The following TPTE variants were observed in gnomAD, a reference collection of about 807,000 sequenced individuals.
TPTE encodes the protein putative tyrosine-protein phosphatase TPTE.
Under a neutral mutation model 84.1 loss-of-function variants are expected in TPTE, and 59 were observed. That is an observed-to-expected ratio of 0.70 (90% CI 0.57 to 0.87). The LOEUF (loss-of-function observed/expected upper bound fraction) is 0.87, where lower values mean the gene tolerates loss of function less well. Among genes scored for constraint, TPTE ranks in the 40% least tolerant of loss-of-function variants. TPTE has a pLI of 0.00. For synonymous variants in TPTE, 130 were observed against 223.5 expected (o/e 0.58, Z 3.73); for missense variants, 382 against 659.6 (o/e 0.58, Z 4.61).
At chr21:10,528,669 C>T (rs1405872409) in intron 3 of TPTE, among the ~76,000 whole-genome samples, 4 of 152,190 alleles carry the variant, frequency 2.6e-5, no homozygotes, top group African/African-American at 7.2e-5. Flanking sequence ...CAGAAAGTTA[C>T]TTCTTATCGT....
At chr21:10,603,446 T>G in intron 22 of TPTE, 116 bp from the exon 23 acceptor site, 3 of 1,110,056 alleles carry the variant, frequency 2.7e-6, no homozygotes, top group Non-Finnish European at 2.6e-6. Context: ...TGCCACATAT[T>G]TAATGGTTAT....
intron 7 of TPTE, among the ~76,000 whole-genome samples, chr21:10,547,693 C>A (rs1378724459): frequency 1.3e-5 from 2 of 152,304 alleles, no homozygotes; most frequent in African/African-American, 4.8e-5. Flanking sequence ...CTGTGCCTCT[C>A]CAGCACTGGA....
chr21:10,556,744 T>G (rs1462506169), intron 8 of TPTE, among the ~76,000 whole-genome samples: 1 of 152,306 alleles, frequency 6.6e-6, no homozygotes, highest in Non-Finnish European at 1.5e-5. Context: ...CTAACTGGTG[T>G]GAGATGGTAT....
chr21:10,545,607 A>T (rs1194137831), intron 7 of TPTE, among the ~76,000 whole-genome samples: 5 of 152,380 alleles, frequency 3.3e-5, no homozygotes, highest in African/African-American at 1.2e-4. Flanking sequence ...TGACATTATT[A>T]ATTTGGGTCA....
intron 21 of TPTE, among the ~76,000 whole-genome samples, chr21:10,599,924 C>A (rs1246695917): frequency 6.6e-6 from 1 of 152,246 alleles, no homozygotes. Context: ...GTGGCATGAT[C>A]ATGGCTCACT....
At chr21:10,555,229 G>C (rs1007177291) in intron 8 of TPTE, among the ~76,000 whole-genome samples, 1 of 151,628 alleles carries the variant, frequency 6.6e-6, no homozygotes, top group African/African-American at 2.4e-5. Flanking sequence ...TTTTTTTTGA[G>C]CCGGAGTCTC....
At chr21:10,559,842 G>A (rs1195707515) in intron 9 of TPTE, among the ~76,000 whole-genome samples, 10 of 143,432 alleles carry the variant, frequency 7.0e-5, no homozygotes, top group Admixed American at 2.1e-4. Context: ...CCATTGCACC[G>A]CAGCCTTGGC....
intron 14 of TPTE, among the ~76,000 whole-genome samples, chr21:10,573,262 A>T (rs1424983968): frequency 1.3e-5 from 2 of 152,300 alleles, no homozygotes; most frequent in African/African-American, 2.4e-5. Flanking sequence ...GTCATTTTAT[A>T]ATAATAAAGA....
intron 14 of TPTE, among the ~76,000 whole-genome samples, chr21:10,570,958 A>G (rs2075030559): frequency 6.6e-6 from 1 of 152,258 alleles, no homozygotes; most frequent in African/African-American, 2.4e-5. Context: ...TGCACCCCCC[A>G]AGGCCCAAGG....
At chr21:10,548,024 C>T (rs566270222) in intron 7 of TPTE, among the ~76,000 whole-genome samples, 46 of 152,402 alleles carry the variant, frequency 3.0e-4, no homozygotes, top group African/African-American at 1.0e-3. Context: ...GCCCCATCAA[C>T]CACAGACATG....
chr21:10,589,587 T>C (rs1409203390), intron 17 of TPTE, among the ~76,000 whole-genome samples: 2 of 152,284 alleles, frequency 1.3e-5, no homozygotes, highest in Non-Finnish European at 2.9e-5. Context: ...CGTTTCCCTG[T>C]GTCTTTCCCC....
intron 8 of TPTE, among the ~76,000 whole-genome samples, chr21:10,555,451 C>T (rs2074662945): frequency 6.6e-6 from 1 of 152,312 alleles, no homozygotes; most frequent in East Asian, 1.9e-4. Context: ...CATGATCCAC[C>T]CACCTTGGCC....
intron 10 of TPTE, among the ~76,000 whole-genome samples, chr21:10,566,397 C>G (rs1195948184): frequency 1.3e-5 from 2 of 152,298 alleles, no homozygotes; most frequent in Non-Finnish European, 2.9e-5. Context: ...AACCCTCATA[C>G]ACTGTTCATG....
At chr21:10,579,632 G>A (rs1180534016) in intron 17 of TPTE, among the ~76,000 whole-genome samples, 1 of 152,312 alleles carries the variant, frequency 6.6e-6, no homozygotes, top group Non-Finnish European at 1.5e-5. Context: ...AGCAAGACAT[G>A]CAGTATTTGT....
chr21:10,595,935 T>A (rs1321912086), intron 19 of TPTE, 47 bp from the exon 20 acceptor site: 1 of 1,603,140 alleles, frequency 6.2e-7, no homozygotes, highest in Non-Finnish European at 8.5e-7. Flanking sequence ...AATGCCGACT[T>A]TAGACTTTTC....
At position 10,603,616 on chromosome 21, in the gene TPTE, T is replaced by A; in HGVS notation, c.1504T>A (p.Phe502Ile). The change falls in exon 23 of 24, where the codon TTT (phenylalanine) becomes ATT (isoleucine). Residue 502 changes from phenylalanine to isoleucine, a missense_variant. This residue lies in a region of TPTE where 120 missense variants were observed against 79.1 expected (regional missense o/e 1.52). Transcript: ENST00000618007. ...ATTTTACTTCTGGTTGCACACATCT[T>A]TTATTGAAAATAACAGGTATGAATA... ...CSFYFWLHTS[F>I]IENNRLYLPK... is the part of the protein sequence containing the mutation. 1 of 1,612,410 alleles carries A rather than the reference T, an allele frequency of 6.2e-7. No individual in the cohort carries two copies. The highest frequency in any genetic ancestry group is 1.1e-5 in the South Asian group (1 of 91,020).
chr21:10,562,856 CAG>C (rs1425297589), intron 10 of TPTE, among the ~76,000 whole-genome samples: 1 of 152,306 alleles, frequency 6.6e-6, no homozygotes, highest in Admixed American at 6.5e-5. Flanking sequence ...GGGATGGTAA[CAG>C]AACATCCCAA....
intron 3 of TPTE, among the ~76,000 whole-genome samples, chr21:10,529,126 G>A (rs1250466605): frequency 6.6e-6 from 1 of 152,158 alleles, no homozygotes. Context: ...AGAAGTTGCA[G>A]TGAGCTGAGA....
chr21:10,584,337 C>CTTTTTTTTTTTTTTTTTT (rs58211728), intron 17 of TPTE, among the ~76,000 whole-genome samples: 1 of 143,786 alleles, frequency 7.0e-6, no homozygotes, highest in African/African-American at 2.5e-5. Context: ...CCTAAACTCA[C>CTTTTTTTTTTTTTTTTTT]TTTTTTTTTT....
Sources: gnomAD v4.1 joint callset for allele counts (sites outside exome capture counted in the v4.1 genomes callset) on GRCh38, gnomAD v4.1.1 for gene constraint, gnomAD v4.1.1 regional missense constraint, MANE v1.5 for transcripts, NCBI Gene and HGNC (gene_info 2026-07-23, HGNC 2026-07-21) for gene names.